ADARB1: variants seen among roughly 807,000 people sequenced by gnomAD.
ADARB1 encodes double-stranded RNA-specific editase 1.
In ADARB1, 10 loss-of-function variants were observed where a neutral mutation model predicts 52.4. The observed-to-expected ratio is 0.19, with a 90% CI of 0.12 to 0.32. The LOEUF (loss-of-function observed/expected upper bound fraction) is 0.32, where lower values mean the gene tolerates loss of function less well. Ranked by LOEUF, ADARB1 falls within the 10% of genes least tolerant of loss-of-function variation. The pLI, the probability that ADARB1 is intolerant of heterozygous loss-of-function variation, is 1.00. For synonymous variants in ADARB1, 349 were observed against 371.1 expected (o/e 0.94, Z 0.68); for missense variants, 643 against 922.3 (o/e 0.70, Z 3.92).
intron 8 of ADARB1, among the ~76,000 whole-genome samples, chr21:45,194,705 C>T (rs1321564825): frequency 6.6e-6 from 1 of 152,178 alleles, no homozygotes; most frequent in Non-Finnish European, 1.5e-5. Flanking sequence ...TTCAGATTGG[C>T]TTTTTACACA....
At chr21:45,086,019 A>G (rs2086328032) in intron 1 of ADARB1, among the ~76,000 whole-genome samples, 1 of 152,210 alleles carries the variant, frequency 6.6e-6, no homozygotes, top group Non-Finnish European at 1.5e-5. Flanking sequence ...AGGAAAAGGA[A>G]GGTTTTTTCC....
chr21:45,081,651 C>T (rs796817242), intron 1 of ADARB1, among the ~76,000 whole-genome samples: 1 of 152,078 alleles, frequency 6.6e-6, no homozygotes, highest in Admixed American at 6.5e-5. Context: ...TTGGCATGAC[C>T]GAGGAGACAG....
chr21:45,168,276 T>G (rs1247045672), intron 2 of ADARB1, among the ~76,000 whole-genome samples: 1 of 152,256 alleles, frequency 6.6e-6, no homozygotes, highest in Non-Finnish European at 1.5e-5. Context: ...GTCTGTAGCT[T>G]GTTTTTTCAT....
chr21:45,224,306 C>A lies in ADARB1; in HGVS notation c.*2109C>A. ...GTAATAGCTAAAGTCAGCATGATTG[C>A]TCCCTGTACCACCCCAAATAAGTGA... On this transcript the variant is annotated 3_prime_UTR_variant, in exon 11 of 11. Coordinates refer to ENST00000348831, the MANE Select transcript of ADARB1 (RefSeq NM_001112.4). 1.0e-6 allele frequency: 1 copy of A among 985,530 alleles called. No homozygotes were observed. Among genetic ancestry groups the A allele is most frequent in the Non-Finnish European group, 1.2e-6 (1 of 830,016 alleles). 61.0% of individuals were successfully genotyped at this position (985,530 alleles called of 1,614,324 possible).
At chr21:45,159,349 T>A (rs867582474) in intron 2 of ADARB1, among the ~76,000 whole-genome samples, 4 of 152,202 alleles carry the variant, frequency 2.6e-5, no homozygotes, top group South Asian at 2.1e-4. Flanking sequence ...CACCTGTGAT[T>A]CAATTATCTC....
chr21:45,184,591 C>A, intron 7 of ADARB1: 1 of 329,410 alleles, frequency 3.0e-6, no homozygotes, highest in Non-Finnish European at 5.9e-6. Context: ...GCTGGGACTA[C>A]AGGCATGTAC....
chr21:45,121,064 G>A (rs912668829), intron 1 of ADARB1: 3 of 152,072 alleles, frequency 2.0e-5, no homozygotes, highest in Admixed American at 6.6e-5. Flanking sequence ...TGTAAAAGCC[G>A]CTGATAGTTC....
In ADARB1 at chr21:45,092,440, C is replaced by CT. The variant is rs767470837; in HGVS notation, c.-220+17648dup. Among the ~76,000 whole-genome samples the CT allele has an allele frequency of 3.9e-5, 6 of 152,084 alleles. No homozygotes were observed. In the South Asian group the frequency reaches 6.2e-4, roughly 16 times the overall value. ...CAATTTTTATGGAAATATCTGTTAT[C>CT]TATTTTTTTTATATAGTTATACCAT... On this transcript the variant is annotated intron_variant, in intron 1 of 10. Transcript: ENST00000348831.
chr21:45,185,967 A>G (rs993697753), intron 8 of ADARB1, among the ~76,000 whole-genome samples: 2 of 152,134 alleles, frequency 1.3e-5, no homozygotes, highest in Non-Finnish European at 2.9e-5. Context: ...TTGTCAGGCA[A>G]CCTCAAGTAC....
intron 2 of ADARB1, chr21:45,144,651 GAA>G: frequency 2.2e-6 from 1 of 454,100 alleles, no homozygotes; most frequent in Non-Finnish European, 4.4e-6. Flanking sequence ...GAAATGGGAA[GAA>G]AAAGGAAGAG....
At chr21:45,076,330 G>A (rs941375348) in intron 1 of ADARB1, among the ~76,000 whole-genome samples, 4 of 152,212 alleles carry the variant, frequency 2.6e-5, no homozygotes, top group Non-Finnish European at 5.9e-5. Context: ...GTAAGTATTT[G>A]ATGAGACAGG....
intron 2 of ADARB1, among the ~76,000 whole-genome samples, chr21:45,150,875 ACACAAATTCAGG>A (rs1351906399): frequency 2.0e-5 from 3 of 152,352 alleles, no homozygotes; most frequent in Admixed American, 2.0e-4. Flanking sequence ...CAGGAGCCCA[ACACAAATTCAGG>A]CACAAATTCA....
chr21:45,167,170 A>T (rs577247929), intron 2 of ADARB1, among the ~76,000 whole-genome samples: 1 of 152,228 alleles, frequency 6.6e-6, no homozygotes, highest in Non-Finnish European at 1.5e-5. Flanking sequence ...CTCACCTGCC[A>T]CCACACTCGG....
rs909119339 is a variant in ADARB1, at chr21:45,224,379, G to T, written c.*2182G>T. ...AGCAGCTACCTTGAGACCATGTGAGGTGGCACCTTTCCGGGGTGGACTCGT... is the reference window on the plus strand; with the variant it reads ...AGCAGCTACCTTGAGACCATGTGAGTTGGCACCTTTCCGGGGTGGACTCGT... On this transcript the variant is annotated 3_prime_UTR_variant, in exon 11 of 11. Coordinates refer to ENST00000348831, the MANE Select transcript of ADARB1 (RefSeq NM_001112.4). 1.8e-5 allele frequency: 18 copies of T among 985,358 alleles called. No homozygotes were observed. Among genetic ancestry groups the T allele is most frequent in the Non-Finnish European group, 1.9e-5 (16 of 830,108 alleles). The allele number at this position is 985,358 out of a possible 1,614,324, so 61.0% of individuals were successfully genotyped here.
At chr21:45,205,621 G>A (rs1056750933) in intron 9 of ADARB1, among the ~76,000 whole-genome samples, 4 of 152,172 alleles carry the variant, frequency 2.6e-5, no homozygotes, top group Non-Finnish European at 4.4e-5. Flanking sequence ...ACCTACCCTC[G>A]ATTCCCTTCA....
rs112127672 is a variant in ADARB1 at position 45,180,344 on chromosome 21, T to C, written c.978T>C (p.Ala326=). 1.9e-6 allele frequency: 3 copies of C among 1,614,080 alleles called. No individual in the cohort carries two copies. The highest frequency in any genetic ancestry group is 2.5e-6 in the Non-Finnish European group (3 of 1,179,968). Reference sequence around the variant, plus strand: ...TTCCCACACAGGTTTTAGCTGACGCTGTCTCACGCCTGGTCCTGGGTAAGT... The same window carrying C: ...TTCCCACACAGGTTTTAGCTGACGCCGTCTCACGCCTGGTCCTGGGTAAGT... ...QLHLPQVLAD[A]VSRLVLGKFG... The change falls in exon 5 of 11, where the codon GCT becomes GCC. Residue 326 remains alanine (A), a synonymous_variant. Coordinates refer to ENST00000348831, the MANE Select transcript of ADARB1 (RefSeq NM_001112.4).
chr21:45,097,604 C>A (rs1349225183), intron 1 of ADARB1, among the ~76,000 whole-genome samples: 1 of 152,038 alleles, frequency 6.6e-6, no homozygotes, highest in Non-Finnish European at 1.5e-5. Flanking sequence ...ACTTCAGACA[C>A]ATGTGCAAGG....
intron 8 of ADARB1, among the ~76,000 whole-genome samples, chr21:45,194,650 T>G (rs143968979): frequency 5.3e-5 from 8 of 152,350 alleles, no homozygotes; most frequent in East Asian, 3.9e-4. Context: ...TAGTTTTGCC[T>G]TTTCCAGAAT....
chr21:45,170,366 C>T (rs965520922), intron 2 of ADARB1, among the ~76,000 whole-genome samples: 2 of 152,194 alleles, frequency 1.3e-5, no homozygotes, highest in African/African-American at 2.4e-5. Context: ...GTTCTTGTAT[C>T]TAGCACAAGT....
Sources: allele counts gnomAD v4.1 joint callset (sites outside exome capture counted in the v4.1 genomes callset), GRCh38; gene constraint gnomAD v4.1.1; transcripts MANE v1.5; gene names NCBI Gene and HGNC (gene_info 2026-07-23, HGNC 2026-07-21).